SRPRA: variants seen among roughly 807,000 people sequenced by gnomAD.
SRPRA encodes the protein SRP receptor subunit alpha, also known as signal recognition particle receptor subunit alpha.
Under a neutral mutation model 61.1 loss-of-function variants are expected in SRPRA, and 30 were observed. The observed-to-expected ratio is 0.49, with a 90% confidence interval of 0.37 to 0.67. The LOEUF is 0.67. Among genes scored for constraint, SRPRA ranks in the 30% least tolerant of loss-of-function variants. SRPRA has a pLI of 0.00. For synonymous variants in SRPRA, 324 were observed against 299.7 expected (o/e 1.08, Z -0.84); for missense variants, 759 against 828.4 (o/e 0.92, Z 1.03).
downstream of SRPRA, among the ~76,000 whole-genome samples, chr11:126,261,855 G>A (rs1156823317): frequency 1.3e-5 from 2 of 152,070 alleles, no homozygotes; most frequent in East Asian, 1.9e-4. Flanking sequence ...TGCTAGGTCT[G>A]GTGCTGTGTG....
chr11:126,237,696 A>G, the SRPRA span, among the ~76,000 whole-genome samples: 1 of 145,986 alleles, frequency 6.8e-6, no homozygotes, highest in Admixed American at 6.8e-5. Flanking sequence ...AAAAAAAAAA[A>G]AAAAAAAAAA....
chr11:126,265,979 C>G lies in SRPRA; in HGVS notation c.1035G>C (p.Met345Ile). The change falls in exon 8 of 14, where the codon ATG (methionine) becomes ATC (isoleucine). Residue 345 changes from methionine to isoleucine, a missense_variant. Met to Ile is a conservative substitution (Grantham distance 10, BLOSUM62 1). Transcript: ENST00000332118. The surrounding 1 kb of genome is among the most constrained non-coding windows in gnomAD (Gnocchi z 6.3). ...REDMESVLDK[M>I]RDHLIAKNVA... ...AGAACTTACCAATGAGATGATCACGCATCTTGTCCAGCACAGATTCCATGT... is the reference window on the plus strand; with the variant it reads ...AGAACTTACCAATGAGATGATCACGGATCTTGTCCAGCACAGATTCCATGT... 1 of 1,614,194 alleles carries G rather than the reference C, an allele frequency of 6.2e-7. No homozygotes were observed. The highest frequency in any genetic ancestry group is 8.5e-7 in the Non-Finnish European group (1 of 1,180,038).
chr11:126,245,230 G>A, the SRPRA span: 21 of 151,550 alleles, frequency 1.4e-4, no homozygotes, highest in African/African-American at 4.6e-4. Context: ...GTGGGATTGC[G>A]TCTGAATAGC....
At chr11:126,268,649 AAAG>A (rs747466235) in intron 1 of SRPRA, 36 bp downstream of exon 1, 41 of 1,564,884 alleles carry the variant, frequency 2.6e-5, no homozygotes, top group Non-Finnish European at 3.2e-5. Flanking sequence ...TCGGGTCAGG[AAAG>A]AAGAGCCTGG....
chr11:126,243,349 A>G, the SRPRA span, among the ~76,000 whole-genome samples: 1 of 152,122 alleles, frequency 6.6e-6, no homozygotes, highest in African/African-American at 2.4e-5. Context: ...CTGTAAGCCC[A>G]ACGCTTTGGA....
chr11:126,265,809 C>T lies in SRPRA; in HGVS notation c.1066G>A (p.Ala356Thr). Reference protein sequence around the residue: ...RDHLIAKNVAADIAVQLCESV... With the variant: ...RDHLIAKNVATDIAVQLCESV... Reference sequence around the variant, plus strand: ...TCACAGAGCTGGACGGCAATGTCTGCAGCCACGTTCTTAGCTGAGGAGAGG... The same window carrying T: ...TCACAGAGCTGGACGGCAATGTCTGTAGCCACGTTCTTAGCTGAGGAGAGG... Residue 356 changes from alanine (A) to threonine (T), a missense_variant, in exon 9 of 14, where the codon GCA (alanine) becomes ACA (threonine). By Grantham distance (58) the Ala-to-Thr change is moderately conservative. Around this residue, in one of 2 missense-constraint regions of SRPRA, gnomAD observed 475 missense variants for 462.5 expected, o/e 1.03. Coordinates refer to ENST00000332118, the MANE Select transcript of SRPRA (RefSeq NM_003139.4). This position sits in a 1 kb window ranked among gnomAD's most constrained non-coding sequence, Gnocchi z 6.3. The T allele has an allele frequency of 6.2e-7, 1 of 1,614,230 alleles. No individual in the cohort carries two copies.
At chr11:126,254,950 A>G in the SRPRA span, among the ~76,000 whole-genome samples, 2 of 152,172 alleles carry the variant, frequency 1.3e-5, no homozygotes, top group Non-Finnish European at 2.9e-5. Context: ...CTTTGTTTGT[A>G]CTTAATTGAC....
At position 126,267,265 on chromosome 11, in the gene SRPRA, T is replaced by G. The variant is rs1950831468; in HGVS notation, c.436A>C (p.Lys146Gln). Reference sequence around the variant, plus strand: ...TCAATCATGGACCTCACAGGTTTCTTGGCCTTTTCAGAATCTTCAAATTTC... The same window carrying G: ...TCAATCATGGACCTCACAGGTTTCTGGGCCTTTTCAGAATCTTCAAATTTC... The part of the protein sequence containing the change: ...MKKFEDSEKA[K>Q]KPVRSMIETR... The change falls in exon 4 of 14, where the codon AAG becomes CAG. Residue 146 changes from lysine (K) to glutamine (Q), a missense_variant. This residue lies in a region of SRPRA where 475 missense variants were observed against 462.5 expected (regional missense o/e 1.03). Transcript: ENST00000332118. The surrounding 1 kb of genome is among the most constrained non-coding windows in gnomAD (Gnocchi z 4.2). The G allele has an allele frequency of 6.2e-7, 1 of 1,614,048 alleles. No individual in the cohort carries two copies.
At chr11:126,261,704 T>C (rs1329940825), downstream of SRPRA, among the ~76,000 whole-genome samples, 1 of 152,158 alleles carries the variant, frequency 6.6e-6, no homozygotes, top group Non-Finnish European at 1.5e-5. Flanking sequence ...TTGAAAAAAG[T>C]ACTGCTGGGT....
At chr11:126,248,434 G>C in the SRPRA span, among the ~76,000 whole-genome samples, 1 of 130,116 alleles carries the variant, frequency 7.7e-6, no homozygotes, top group African/African-American at 2.9e-5. Flanking sequence ...GCAATGGTGC[G>C]ATCTTGGCTC....
chr11:126,264,054 G>C lies in SRPRA; in HGVS notation c.1789-10C>G. 1.2e-6 allele frequency: 2 copies of C among 1,614,090 alleles called. No homozygotes were observed. The highest frequency in any genetic ancestry group is 1.7e-6 in the Non-Finnish European group (2 of 1,179,990). On this transcript the variant is annotated splice_polypyrimidine_tract_variant and intron_variant, in intron 13 of 13. Coordinates refer to ENST00000332118, the MANE Select transcript of SRPRA (RefSeq NM_003139.4). The surrounding 1 kb of genome is among the most constrained non-coding windows in gnomAD (Gnocchi z 5.0). Reference sequence around the variant, plus strand: ...AAATAGCAGCTCCCACCTAAGTGGAGAAAGAGGACAGCCCATCAACACAAG... The same window carrying C: ...AAATAGCAGCTCCCACCTAAGTGGACAAAGAGGACAGCCCATCAACACAAG...
Position 126,267,654 on chromosome 11 carries a change from T to C in SRPRA, c.260A>G (p.His87Arg), listed in dbSNP as rs1591539954. The C allele has an allele frequency of 1.2e-6, 2 of 1,614,184 alleles. No individual in the cohort carries two copies. The highest frequency in any genetic ancestry group is 1.7e-6 in the Non-Finnish European group (2 of 1,180,048). ...TYVDKLIDDV[H>R]RLFRDKYRTE... is the part of the protein sequence containing the mutation. ...GCGGTACTTGTCCCGAAACAGCCGA[T>C]GCACGTCATCTATCAATTTGTCTAC... The change falls in exon 3 of 14, where the codon CAT becomes CGT. Residue 87 changes from histidine (H) to arginine (R), a missense_variant. Around this residue, in one of 2 missense-constraint regions of SRPRA, gnomAD observed 475 missense variants for 462.5 expected, o/e 1.03. Transcript: ENST00000332118. This position sits in a 1 kb window ranked among gnomAD's most constrained non-coding sequence, Gnocchi z 4.2.
chr11:126,261,517 CTG>C (rs1224116905), downstream of SRPRA: 13 of 1,564,280 alleles, frequency 8.3e-6, no homozygotes, highest in Admixed American at 1.7e-5. Flanking sequence ...ATTTATCACT[CTG>C]TAGCAGAAAG....
Position 126,263,635 on chromosome 11 carries a change from A to G in SRPRA, c.*281T>C, listed in dbSNP as rs1950747966. On this transcript the variant is annotated 3_prime_UTR_variant, in exon 14 of 14. Transcript: ENST00000332118. The stretch of plus-strand genomic sequence containing the variant: ...GTTCCAACCATTGGTCAAAGCTGTA[A>G]TAAGACTGAGTCTGTAGGCAGAGTG... The G allele has an allele frequency of 7.7e-6, 3 of 391,834 alleles. No individual in the cohort carries two copies. Among genetic ancestry groups the G allele is most frequent in the Non-Finnish European group, 1.4e-5 (3 of 212,794 alleles). 24.3% of individuals were successfully genotyped at this position (391,834 alleles called of 1,614,324 possible).
chr11:126,243,453 G>A, the SRPRA span, among the ~76,000 whole-genome samples: 1 of 149,830 alleles, frequency 6.7e-6, no homozygotes, highest in Non-Finnish European at 1.5e-5. Context: ...GACAGAGCAA[G>A]ACCCTGTCTG....
At chr11:126,247,907 A>T in the SRPRA span, among the ~76,000 whole-genome samples, 1 of 146,664 alleles carries the variant, frequency 6.8e-6, no homozygotes, top group Non-Finnish European at 1.5e-5. Context: ...ATATACGTAT[A>T]TCTATATAGA....
the SRPRA span, among the ~76,000 whole-genome samples, chr11:126,236,873 G>A: frequency 5.6e-5 from 6 of 107,230 alleles, no homozygotes; most frequent in South Asian, 1.8e-3. Flanking sequence ...AAGTCTTTTT[G>A]TTTGTTCATT....
At chr11:126,238,482 T>G in the SRPRA span, among the ~76,000 whole-genome samples, 1 of 152,326 alleles carries the variant, frequency 6.6e-6, no homozygotes, top group African/African-American at 2.4e-5. Flanking sequence ...CCTCATTTCC[T>G]AACTGGATGG....
At chr11:126,254,357 G>A in the SRPRA span, 1 of 1,613,736 alleles carries the variant, frequency 6.2e-7, no homozygotes. Context: ...CATATTCACG[G>A]AGTCTACACC....
Sources: allele counts gnomAD v4.1 joint callset (sites outside exome capture counted in the v4.1 genomes callset), GRCh38; gene constraint gnomAD v4.1.1; regional missense constraint gnomAD v4.1.1; non-coding constraint Gnocchi (gnomAD v3.1); transcripts MANE v1.5; gene names NCBI Gene and HGNC (gene_info 2026-07-23, HGNC 2026-07-21).